Variants in RAB3C observed in about 807,000 individuals in gnomAD.
RAB3C encodes the protein ras-related protein Rab-3C.
Under a neutral mutation model 26.4 loss-of-function variants are expected in RAB3C, and 17 were observed. The observed-to-expected ratio is 0.64, with a 90% CI of 0.44 to 0.97. The LOEUF is 0.97. Among genes scored for constraint, RAB3C ranks in the 50% least tolerant of loss-of-function variants. The pLI, the probability that RAB3C is intolerant of heterozygous loss-of-function variation, is 0.00. For missense variants in RAB3C, 242 were observed against 281.9 expected, an observed-to-expected ratio of 0.86 and a Z score of 1.01; for synonymous variants, 91 against 95.9, an observed-to-expected ratio of 0.95 and a Z score of 0.30.
intron 3 of RAB3C, among the ~76,000 whole-genome samples, chr5:58,808,666 C>A (rs766100021): frequency 3.3e-5 from 5 of 152,178 alleles, no homozygotes; most frequent in Admixed American, 3.3e-4. Context: ...TATCATATCT[C>A]ATTTGTATTT....
chr5:58,827,029 G>A (rs1036367309), intron 4 of RAB3C, among the ~76,000 whole-genome samples: 2 of 152,220 alleles, frequency 1.3e-5, no homozygotes, highest in Non-Finnish European at 2.9e-5. Flanking sequence ...CCAGGAGAAA[G>A]TTACCTGGCT....
intron 4 of RAB3C, among the ~76,000 whole-genome samples, chr5:58,836,786 T>G (rs1386858928): frequency 6.6e-6 from 1 of 152,220 alleles, no homozygotes; most frequent in African/African-American, 2.4e-5. Context: ...CATCTGTTTT[T>G]GGACACTTAG....
intron 3 of RAB3C, among the ~76,000 whole-genome samples, chr5:58,795,041 C>T (rs1742613116): frequency 6.6e-6 from 1 of 152,204 alleles, no homozygotes; most frequent in Non-Finnish European, 1.5e-5. Flanking sequence ...TTGTGGGAGA[C>T]ACCCGGTGGG....
intron 3 of RAB3C, among the ~76,000 whole-genome samples, chr5:58,730,056 G>A (rs182207140): frequency 1.6e-3 from 242 of 151,144 alleles, no homozygotes; most frequent in African/African-American, 5.4e-3. Context: ...AGGAATTAAC[G>A]GTTGTATTCT....
rs570697955 is a variant in RAB3C at position 58,620,100 on chromosome 5, G to A, written c.252+2230G>A. On this transcript the variant is annotated intron_variant, in intron 2 of 4. Transcript: ENST00000282878. ...TCTTATTAAAAAAAAAACCCTTTAA[G>A]TCTATAGACAGTCAGGCCTGGGACC... is the stretch of plus-strand genomic sequence containing the variant. Among the ~76,000 whole-genome samples, 7 of 151,872 alleles carry A rather than the reference G, an allele frequency of 4.6e-5. 1 individual carries two copies. The South Asian group carries it at 1.5e-3, about 32-fold the overall frequency.
chr5:58,796,501 G>A (rs1742651993), intron 3 of RAB3C, among the ~76,000 whole-genome samples: 1 of 152,158 alleles, frequency 6.6e-6, no homozygotes, highest in Non-Finnish European at 1.5e-5. Flanking sequence ...ATATCAGGAT[G>A]TAACAGGGTC....
intron 3 of RAB3C, among the ~76,000 whole-genome samples, chr5:58,815,191 AG>A (rs1743189369): frequency 6.6e-6 from 1 of 152,214 alleles, no homozygotes; most frequent in South Asian, 2.1e-4. Flanking sequence ...AACACAATGT[AG>A]GCACTTTCCC....
intron 3 of RAB3C, among the ~76,000 whole-genome samples, chr5:58,726,924 C>T (rs948516823): frequency 1.3e-5 from 2 of 151,850 alleles, no homozygotes; most frequent in African/African-American, 4.8e-5. Context: ...CTAAAGAGGA[C>T]GGTTTTTCTG....
chr5:58,700,970 TTTTATTTATTTATTTA>T (rs150630099), intron 2 of RAB3C, among the ~76,000 whole-genome samples: 5 of 148,270 alleles, frequency 3.4e-5, no homozygotes, highest in East Asian at 2.0e-4. Flanking sequence ...CTTAAAAATC[TTTTATTTATTTATTTA>T]TTTATTTATT....
At chr5:58,828,005 T>A (rs1302697876) in intron 4 of RAB3C, among the ~76,000 whole-genome samples, 1 of 152,236 alleles carries the variant, frequency 6.6e-6, no homozygotes, top group Non-Finnish European at 1.5e-5. Context: ...GCTTTATCGA[T>A]CTGGTAGCAA....
At chr5:58,676,417 C>T (rs1395386017) in intron 2 of RAB3C, among the ~76,000 whole-genome samples, 3 of 151,970 alleles carry the variant, frequency 2.0e-5, no homozygotes, top group South Asian at 2.1e-4. Context: ...GCAGGAGAAT[C>T]GCTTGAACCT....
intron 2 of RAB3C, among the ~76,000 whole-genome samples, chr5:58,635,551 CAAAATCAGACTA>C (rs1747272049): frequency 1.3e-5 from 2 of 152,300 alleles, no homozygotes; most frequent in African/African-American, 4.8e-5. Context: ...TCCTGGGAGT[CAAAATCAGACTA>C]ATTTTTTCCA....
intron 2 of RAB3C, among the ~76,000 whole-genome samples, chr5:58,674,193 T>A (rs375075681): frequency 5.6e-4 from 86 of 152,336 alleles, no homozygotes; most frequent in African/African-American, 1.9e-3. Context: ...ATGTGTGTGA[T>A]GTTTATTATT....
chr5:58,633,995 G>T (rs1747238704), intron 2 of RAB3C, among the ~76,000 whole-genome samples: 1 of 149,790 alleles, frequency 6.7e-6, no homozygotes, highest in Non-Finnish European at 1.5e-5. Flanking sequence ...AAAAAAATTA[G>T]CCGGGCATGG....
Position 58,583,140 on chromosome 5 carries a change from A to G in RAB3C, c.-69A>G. On this transcript the variant is annotated 5_prime_UTR_variant, in exon 1 of 5. Coordinates refer to ENST00000282878, the MANE Select transcript of RAB3C (RefSeq NM_138453.4). ...AGAGTGTGGAGCGTGGAGCGCCGGG[A>G]CTGTGCACGCTTGACCGGAAGCCCA... is the stretch of plus-strand genomic sequence containing the variant. 6.2e-7 allele frequency: 1 copy of G among 1,612,156 alleles called. No homozygotes were observed. The highest frequency in any genetic ancestry group is 1.1e-5 in the South Asian group (1 of 90,838).
chr5:58,808,298 T>C (rs1424781435), intron 3 of RAB3C, among the ~76,000 whole-genome samples: 1 of 150,980 alleles, frequency 6.6e-6, no homozygotes, highest in Non-Finnish European at 1.5e-5. Flanking sequence ...TGACAAAACA[T>C]GATACAGGAT....
chr5:58,701,718 C>T (rs1749859174), intron 2 of RAB3C, among the ~76,000 whole-genome samples: 1 of 152,166 alleles, frequency 6.6e-6, no homozygotes, highest in Non-Finnish European at 1.5e-5. Context: ...ATGGCCCCTT[C>T]CTCTACCTTC....
intron 2 of RAB3C, among the ~76,000 whole-genome samples, chr5:58,625,640 C>T (rs1187879339): frequency 2.6e-5 from 4 of 151,932 alleles, no homozygotes; most frequent in Admixed American, 6.6e-5. Flanking sequence ...GGGTGGATCA[C>T]GAGGTCAGGA....
chr5:58,616,898 A>G (rs900141886), intron 1 of RAB3C, among the ~76,000 whole-genome samples: 2 of 152,156 alleles, frequency 1.3e-5, no homozygotes, highest in Admixed American at 1.3e-4. Context: ...TGTCAAGAAC[A>G]TGAGCCCTGG....
Sources: allele counts gnomAD v4.1 joint callset (sites outside exome capture counted in the v4.1 genomes callset), GRCh38; gene constraint gnomAD v4.1.1; transcripts MANE v1.5; gene names NCBI Gene and HGNC (gene_info 2026-07-23, HGNC 2026-07-21).